KRT4: variants seen among roughly 807,000 people sequenced by gnomAD.
KRT4 encodes the protein keratin, type II cytoskeletal 4.
KRT4 carries 47 observed loss-of-function variants against 50.6 expected under a neutral mutation model. That is an observed-to-expected ratio of 0.93 (90% CI 0.73 to 1.18). The LOEUF is 1.18. Among genes scored for constraint, KRT4 ranks in the 50% most tolerant of loss-of-function variants. KRT4 has a pLI of 0.00. For missense variants in KRT4, 651 were observed against 645.7 expected (o/e 1.01, Z -0.09); for synonymous variants, 254 against 251.2 (o/e 1.01, Z -0.10).
chr12:52,809,048 A>G, intron 4 of KRT4, 198 bp from the exon 5 acceptor site: 5 of 684,358 alleles, frequency 7.3e-6, no homozygotes, highest in East Asian at 2.8e-5. Flanking sequence ...CCCAGGAACC[A>G]TAAGCCACTC....
In KRT4 at chr12:52,809,046, C is replaced by T. The variant is rs560034054; in HGVS notation, c.835-196G>A. 1.0e-5 allele frequency: 7 copies of T among 685,688 alleles called. No homozygotes were observed. In the African/African-American group the frequency reaches 1.1e-4, roughly 10 times the overall value. 42.5% of individuals were successfully genotyped at this position (685,688 alleles called of 1,614,324 possible). On this transcript the variant is annotated intron_variant, in intron 4 of 8. Coordinates refer to ENST00000551956, the MANE Select transcript of KRT4 (RefSeq NM_002272.4). ...TCTAGTCTTTACTGGTCCCCAGGAA[C>T]CATAAGCCACTCTAATGCAGTGAGT... is the stretch of plus-strand genomic sequence containing the variant.
Position 52,813,621 on chromosome 12 carries a change from G to A in KRT4, c.438C>T (p.Asn146=). ...CCTTGTCGATGAAGGAGGCAAACTT[G>A]TTGTTGAGGAGCTTGATCTGTTCGC... ...EEREQIKLLN[N]KFASFIDKVQ... Residue 146 remains asparagine (N), a synonymous_variant, in exon 1 of 9, where the codon AAC becomes AAT. Coordinates refer to ENST00000551956, the MANE Select transcript of KRT4 (RefSeq NM_002272.4). The A allele has an allele frequency of 6.2e-7, 1 of 1,613,986 alleles. No homozygotes were observed. The highest frequency in any genetic ancestry group is 8.5e-7 in the Non-Finnish European group (1 of 1,179,970).
rs776085274 is a variant in KRT4, at chr12:52,814,045, T to C, written c.14A>G (p.Gln5Arg). 4.3e-6 allele frequency: 7 copies of C among 1,613,582 alleles called. No homozygotes were observed. In the East Asian group the frequency reaches 8.9e-5, roughly 21 times the overall value. Reference protein sequence around the residue: MIARQQCVRGGPRGF... With the variant: MIARRQCVRGGPRGF... The stretch of plus-strand genomic sequence containing the variant: ...CCGGGGCCCGCCTCGGACACACTGC[T>C]GTCTGGCAATCATGGCTGCAGAGAG... The change falls in exon 1 of 9, where the codon CAG becomes CGG. Residue 5 changes from glutamine to arginine, a missense_variant. Transcript: ENST00000551956.
Position 52,809,394 on chromosome 12 carries a change from G to T in KRT4, c.823C>A (p.Leu275Ile), listed in dbSNP as rs901707209. 8 of 1,612,564 alleles carry T rather than the reference G, an allele frequency of 5.0e-6. No individual in the cohort carries two copies. Among genetic ancestry groups the T allele is most frequent in the Admixed American group, 1.7e-5 (1 of 60,004 alleles). ...LNDEINFLKV[L>I]YDAELSQMQT... ...GATGGAGCCCTCACCGCATCATAGAGGACCTTCAGGAAGTTGATCTCGTCA... is the reference window on the plus strand; with the variant it reads ...GATGGAGCCCTCACCGCATCATAGATGACCTTCAGGAAGTTGATCTCGTCA... Residue 275 changes from leucine (L) to isoleucine (I), a missense_variant, in exon 4 of 9, where the codon CTC (leucine) becomes ATC (isoleucine). Transcript: ENST00000551956.
rs758695571 is a variant in KRT4, at chr12:52,813,695, G to T, written c.364C>A (p.Leu122Ile). The T allele has an allele frequency of 1.4e-6, 2 of 1,459,778 alleles. No homozygotes were observed. The highest frequency in any genetic ancestry group is 2.8e-5 in the East Asian group (1 of 35,570). 90.4% of individuals were successfully genotyped at this position (1,459,778 alleles called of 1,614,324 possible). A position where few individuals can be genotyped will look rare whatever the true frequency, so the allele number is the denominator to read the frequency against. ...VTINQSLLTPLHVEIDPEIQK... is the reference protein window; with the variant it reads ...VTINQSLLTPIHVEIDPEIQK... The stretch of plus-strand genomic sequence containing the variant: ...ATCTCAGGGTCAATCTCCACGTGGA[G>T]GGGGGTGAGCAAGCTCTGGTTGATG... The change falls in exon 1 of 9, where the codon CTC becomes ATC. Residue 122 changes from leucine (L) to isoleucine (I), a missense_variant. By Grantham distance (5) the Leu-to-Ile change is conservative. Transcript: ENST00000551956.
Position 52,807,343 on chromosome 12 carries a change from C to T in KRT4, c.1381+16G>A, listed in dbSNP as rs766977149. ...CGGGTGAATGAACAACTACAGCAGG[C>T]GTGGAAGGTACTTACAGATGCTCAC... is the stretch of plus-strand genomic sequence containing the variant. On this transcript the variant is annotated intron_variant, in intron 8 of 8. Transcript: ENST00000551956. 61 of 1,614,160 alleles carry T rather than the reference C, an allele frequency of 3.8e-5. No individual in the cohort carries two copies. The highest frequency in any genetic ancestry group is 1.6e-4 in the Middle Eastern group (1 of 6,062).
In KRT4 at chr12:52,808,821, G is replaced by A. The variant is rs145801200; in HGVS notation, c.864C>T (p.Ser288=). The change falls in exon 5 of 9, where the codon AGC becomes AGT. Residue 288 remains serine, a synonymous_variant. Coordinates refer to ENST00000551956, the MANE Select transcript of KRT4 (RefSeq NM_002272.4). ...AELSQMQTHV[S]DTSVVLSMDN... is the part of the protein sequence containing the mutation. ...CCATGGAAAGGACCACGGACGTGTC[G>A]CTGACATGGGTCTGCATCTGGGACA... The A allele has an allele frequency of 2.0e-5, 32 of 1,614,150 alleles. No individual in the cohort carries two copies. The highest frequency in any genetic ancestry group is 5.3e-5 in the African/African-American group (4 of 75,038).
At chr12:52,809,287 A>C (rs1592309970) in intron 4 of KRT4, 96 bp downstream of exon 4, 2 of 917,278 alleles carry the variant, frequency 2.2e-6, no homozygotes, top group East Asian at 4.8e-5. Context: ...AAAATAAGGG[A>C]GCTGGAGTCC....
At position 52,809,413 on chromosome 12, in the gene KRT4, C is replaced by G; in HGVS notation, c.804G>C (p.Glu268Asp). The change falls in exon 4 of 9, where the codon GAG becomes GAC. Residue 268 changes from glutamate to aspartate, a missense_variant. By Grantham distance (45) the Glu-to-Asp change is conservative. Transcript: ENST00000551956. ...LEAKVDSLND[E>D]INFLKVLYDA... ...CATAGAGGACCTTCAGGAAGTTGAT[C>G]TCGTCATTAAGACTGTCCACCTTGG... The G allele has an allele frequency of 6.2e-7, 1 of 1,614,130 alleles. No homozygotes were observed. Among genetic ancestry groups the G allele is most frequent in the Non-Finnish European group, 8.5e-7 (1 of 1,179,948 alleles).
rs1237497749 is a variant in KRT4, at chr12:52,807,825, G to A, written c.1165C>T (p.Arg389Ter). The change falls in exon 7 of 9, where the codon CGA (arginine) becomes TGA (stop). Residue 389 changes from arginine to a stop codon, truncating the protein, a stop_gained. Transcript: ENST00000551956. LOFTEE classifies it high-confidence loss of function. ...GCATCTTTAAGGGCATTCTCACCTCGCTGCTCTGCATCAGCCACGGATACC... is the reference window on the plus strand; with the variant it reads ...GCATCTTTAAGGGCATTCTCACCTCACTGCTCTGCATCAGCCACGGATACC... ...LQVSVADAEQ[R>*]GENALKDAHS... The A allele has an allele frequency of 2.9e-5, 46 of 1,613,944 alleles. No individual in the cohort carries two copies. The East Asian group carries it at 5.6e-4, about 20-fold the overall frequency.
At chr12:52,810,095 G>A (rs1309716953) in intron 3 of KRT4, among the ~76,000 whole-genome samples, 1 of 151,594 alleles carries the variant, frequency 6.6e-6, no homozygotes, top group Non-Finnish European at 1.5e-5. Context: ...AGACAATGGA[G>A]ACTTGAAAAA....
At chr12:52,807,611 G>A in intron 7 of KRT4, 33 bp downstream of exon 7, 1 of 1,605,760 alleles carries the variant, frequency 6.2e-7, no homozygotes, top group Non-Finnish European at 8.5e-7. Context: ...GACCTCTCTG[G>A]CCCTCATGTT....
At position 52,807,172 on chromosome 12, in the gene KRT4, C is replaced by A. The variant is rs1460484546; in HGVS notation, c.1460G>T (p.Gly487Val). ...GSGSGFGLSS[G>V]FGSGSGSGFG... ...GCCACTTCCAGAGCCGGAGCCAAAG[C>A]CACTACTCAGGCCAAACCCGGAGCC... The change falls in exon 9 of 9, where the codon GGC becomes GTC. Residue 487 changes from glycine to valine, a missense_variant. Gly to Val is a moderately radical substitution (Grantham distance 109, BLOSUM62 -3). Transcript: ENST00000551956. The A allele has an allele frequency of 6.2e-7, 1 of 1,614,164 alleles. No homozygotes were observed. The highest frequency in any genetic ancestry group is 1.1e-5 in the South Asian group (1 of 91,086).
chr12:52,812,374 G>A (rs1313158929), intron 1 of KRT4, among the ~76,000 whole-genome samples: 4 of 152,194 alleles, frequency 2.6e-5, no homozygotes, highest in Admixed American at 1.3e-4. Context: ...GCAAATGAAA[G>A]ACAAAGTCAC....
rs766644080 is a variant in KRT4, at chr12:52,811,882, G to A, written c.558C>T (p.Pro186=). Residue 186 remains proline (P), a synonymous_variant, in exon 2 of 9, where the codon CCC becomes CCT. Coordinates refer to ENST00000551956, the MANE Select transcript of KRT4 (RefSeq NM_002272.4). ...TTTTSSKNLE[P]LFETYLSVLR... ...GGACACTGAGGTAGGTCTCAAAGAGGGGCTCAAGGTTTTTGCTGGAGGTGG... is the reference window on the plus strand; with the variant it reads ...GGACACTGAGGTAGGTCTCAAAGAGAGGCTCAAGGTTTTTGCTGGAGGTGG... 6.2e-7 allele frequency: 1 copy of A among 1,614,060 alleles called. No homozygotes were observed. The highest frequency in any genetic ancestry group is 8.5e-7 in the Non-Finnish European group (1 of 1,180,040).
rs774677002 is a variant in KRT4, at chr12:52,811,927, C to T, written c.513G>A (p.Leu171=). 3.1e-5 allele frequency: 50 copies of T among 1,613,850 alleles called. No individual in the cohort carries two copies. The Middle Eastern group carries it at 5.0e-4, about 16-fold the overall frequency. The change falls in exon 2 of 9, where the codon CTG becomes CTA. Residue 171 remains leucine, a synonymous_variant. Transcript: ENST00000551956. The part of the protein sequence containing the change: ...QNKVLETKWN[L]LQQQTTTTSS... The stretch of plus-strand genomic sequence containing the variant: ...AGGTGGTGGTCGTCTGCTGCTGGAG[C>T]AGGTTCCATTTGGTCTCCAGGACCT...
In KRT4 at chr12:52,806,987, G is replaced by A. The variant is rs1334887644; in HGVS notation, c.*82C>T. ...AGTAAGATGAGCCCCAGAGACAGAG[G>A]ATGGAGGTGAAGTGAAGGAAGCACA... On this transcript the variant is annotated 3_prime_UTR_variant, in exon 9 of 9. Transcript: ENST00000551956. The A allele has an allele frequency of 5.3e-6, 7 of 1,320,314 alleles. No individual in the cohort carries two copies. The highest frequency in any genetic ancestry group is 6.5e-6 in the Non-Finnish European group (6 of 916,514). 81.8% of individuals were successfully genotyped at this position (1,320,314 alleles called of 1,614,324 possible). A position where few individuals can be genotyped will look rare whatever the true frequency, so the allele number is the denominator to read the frequency against.
rs1939896715 is a variant in KRT4 at position 52,810,801 on chromosome 12, G to C, written c.693C>G (p.Ile231Met). The change falls in exon 3 of 9, where the codon ATC (isoleucine) becomes ATG (methionine). Residue 231 changes from isoleucine (I) to methionine (M), a missense_variant. By Grantham distance (10) the Ile-to-Met change is conservative. Transcript: ENST00000551956. ...EDFKTKYEEE[I>M]NKRTAAENDF... ...CATTCTCGGCTGCTGTGCGTTTGTT[G>C]ATCTCCTCTTCATACCTGGGGGTGG... 1 of 1,613,884 alleles carries C rather than the reference G, an allele frequency of 6.2e-7. No homozygotes were observed. Among genetic ancestry groups the C allele is most frequent in the African/African-American group, 1.3e-5 (1 of 74,918 alleles).
At chr12:52,810,734 C>T (rs1272953776) in intron 3 of KRT4, 22 bp downstream of exon 3, 1 of 1,611,036 alleles carries the variant, frequency 6.2e-7, no homozygotes, top group South Asian at 1.1e-5. Flanking sequence ...GAAGGCACTC[C>T]CTACCATCCT....
Sources: allele counts gnomAD v4.1 joint callset (sites outside exome capture counted in the v4.1 genomes callset), GRCh38; gene constraint gnomAD v4.1.1; transcripts MANE v1.5; gene names NCBI Gene and HGNC (gene_info 2026-07-23, HGNC 2026-07-21).